The following RIMS2 variants were observed in gnomAD, a reference collection of about 807,000 sequenced individuals.
The protein encoded by RIMS2 is regulating synaptic membrane exocytosis 2, also known as regulating synaptic membrane exocytosis protein 2.
Under a neutral mutation model 174.4 loss-of-function variants are expected in RIMS2, and 59 were observed. That is an observed-to-expected ratio of 0.34 (90% confidence interval 0.27 to 0.42). RIMS2 has a LOEUF of 0.42. Among genes scored for constraint, RIMS2 ranks in the 10% least tolerant of loss-of-function variants. The pLI is 1.00. For missense variants in RIMS2, 1,620 were observed against 1,666.3 expected, an observed-to-expected ratio of 0.97 and a Z score of 0.48; for synonymous variants, 606 against 572.5, an observed-to-expected ratio of 1.06 and a Z score of -0.84.
At chr8:104,159,839 C>A (rs530583710) in intron 19 of RIMS2, among the ~76,000 whole-genome samples, 1 of 151,988 alleles carries the variant, frequency 6.6e-6, no homozygotes, top group African/African-American at 2.4e-5. Context: ...CAGGTTTTTT[C>A]AATCTTAAGA....
chr8:103,910,180 T>C, exon 5 of RIMS2: 1 of 1,611,234 alleles, frequency 6.2e-7, no homozygotes, highest in Non-Finnish European at 8.5e-7. Flanking sequence ...GGCATAGCAG[T>C]GAGGCATCCC....
chr8:104,202,314 T>A (rs1166244685), intron 19 of RIMS2, among the ~76,000 whole-genome samples: 1 of 152,172 alleles, frequency 6.6e-6, no homozygotes, highest in Non-Finnish European at 1.5e-5. Flanking sequence ...CAAAGAGACG[T>A]GGTATATTAG....
At chr8:103,712,167 CTTTTTT>C (rs760792486) in intron 2 of RIMS2, among the ~76,000 whole-genome samples, 4 of 127,274 alleles carry the variant, frequency 3.1e-5, no homozygotes, top group African/African-American at 1.2e-4. Flanking sequence ...AATTTTTAAA[CTTTTTT>C]TTTTTTTTTT....
chr8:103,527,180 A>G (rs1834457083), intron 1 of RIMS2, among the ~76,000 whole-genome samples: 2 of 152,158 alleles, frequency 1.3e-5, no homozygotes. Context: ...AATGAAGGCA[A>G]AATAAAGGCC....
intron 19 of RIMS2, among the ~76,000 whole-genome samples, chr8:104,190,529 A>T (rs2098992130): frequency 6.6e-6 from 1 of 151,968 alleles, no homozygotes; most frequent in Non-Finnish European, 1.5e-5. Context: ...TTTCCTTTTT[A>T]GGCTTTGTCC....
chr8:103,772,401 A>T (rs2098263946), intron 3 of RIMS2, among the ~76,000 whole-genome samples: 1 of 152,114 alleles, frequency 6.6e-6, no homozygotes, highest in South Asian at 2.1e-4. Context: ...CATTAAAAAT[A>T]CAAAATACAT....
intron 14 of RIMS2, among the ~76,000 whole-genome samples, chr8:103,957,297 A>G (rs1311333611): frequency 6.6e-6 from 1 of 152,240 alleles, no homozygotes; most frequent in Non-Finnish European, 1.5e-5. Flanking sequence ...GGACACATGT[A>G]CATGTATGTT....
At chr8:103,553,853 CAGAT>C (rs143047650) in intron 1 of RIMS2, among the ~76,000 whole-genome samples, 50,870 of 151,740 alleles carry the variant, frequency 0.34, 9,344 homozygotes, top group East Asian at 0.77. Context: ...CAAAAACAGA[CAGAT>C]AGACCAATGG....
At chr8:103,742,943 C>T (rs554457810) in intron 2 of RIMS2, among the ~76,000 whole-genome samples, 2 of 152,256 alleles carry the variant, frequency 1.3e-5, no homozygotes, top group Non-Finnish European at 2.9e-5. Flanking sequence ...TATTAAACAG[C>T]ATTAGTTTAT....
chr8:103,834,089 A>G (rs1190309406), intron 3 of RIMS2, among the ~76,000 whole-genome samples: 2 of 152,034 alleles, frequency 1.3e-5, no homozygotes, highest in African/African-American at 2.4e-5. Context: ...AGTTTACTGC[A>G]GCCTCAACCC....
chr8:103,877,360 T>C (rs1190637386), intron 3 of RIMS2, among the ~76,000 whole-genome samples: 3 of 151,974 alleles, frequency 2.0e-5, no homozygotes, highest in Non-Finnish European at 4.4e-5. Flanking sequence ...TTGAGAATTG[T>C]CTATTCATGT....
intron 2 of RIMS2, among the ~76,000 whole-genome samples, chr8:103,752,294 T>C (rs183730179): frequency 0.01 from 1,549 of 152,288 alleles, 30 homozygotes; most frequent in African/African-American, 0.035. Context: ...GGCTCTGTTC[T>C]GTTCCATTGA....
chr8:103,739,375 G>C (rs539636823), intron 2 of RIMS2, among the ~76,000 whole-genome samples: 1 of 152,264 alleles, frequency 6.6e-6, no homozygotes, highest in South Asian at 2.1e-4. Context: ...ACTGGGGCCT[G>C]TCGTAGGGTA....
intron 8 of RIMS2, among the ~76,000 whole-genome samples, chr8:103,917,163 A>G (rs562253962): frequency 6.6e-6 from 1 of 152,192 alleles, no homozygotes; most frequent in African/African-American, 2.4e-5. Context: ...TACCTATATC[A>G]GAGTAAAAGC....
chr8:103,937,543 G>A (rs1413890611), intron 13 of RIMS2, among the ~76,000 whole-genome samples: 39 of 152,146 alleles, frequency 2.6e-4, no homozygotes, highest in Admixed American at 2.5e-3. Flanking sequence ...CACATGAATA[G>A]CAATTAGAAT....
chr8:104,195,403 A>G (rs2099019000), intron 19 of RIMS2, among the ~76,000 whole-genome samples: 1 of 152,030 alleles, frequency 6.6e-6, no homozygotes, highest in South Asian at 2.1e-4. Context: ...GCATTTGGGG[A>G]TATTTTGAGG....
chr8:103,856,093 T>C (rs527686646), intron 3 of RIMS2, among the ~76,000 whole-genome samples: 1 of 152,316 alleles, frequency 6.6e-6, no homozygotes, highest in South Asian at 2.1e-4. Context: ...TTTCTTTTTA[T>C]TGGATTGTAC....
In RIMS2 at chr8:103,636,794, C is replaced by A. The variant is rs4133773; in HGVS notation, c.177-60292C>A. Among the ~76,000 whole-genome samples the A allele has an allele frequency of 1.8e-4, 10 of 55,630 alleles. 1 individual carries two copies. The highest frequency in any genetic ancestry group is 2.7e-4 in the Non-Finnish European group (6 of 21,886). 36.5% of individuals were successfully genotyped at this position (55,630 alleles called of 152,430 possible). A position where few individuals can be genotyped will look rare whatever the true frequency, so the allele number is the denominator to read the frequency against. On this transcript the variant is annotated intron_variant, in intron 1 of 23. Transcript: ENST00000504942. ...TTCTATAACCCACCCCCGCACCCCC[C>A]CCCCCCCACACACACACACATACCA...
At chr8:103,770,585 A>C (rs998654084) in intron 3 of RIMS2, among the ~76,000 whole-genome samples, 1 of 152,002 alleles carries the variant, frequency 6.6e-6, no homozygotes, top group African/African-American at 2.4e-5. Context: ...TCAAAAAAAA[A>C]CCCTGCAAAT....
Sources: gnomAD v4.1 joint callset for allele counts (sites outside exome capture counted in the v4.1 genomes callset) on GRCh38, gnomAD v4.1.1 for gene constraint, MANE v1.5 for transcripts, NCBI Gene and HGNC (gene_info 2026-07-23, HGNC 2026-07-21) for gene names.